PLEKHO2: variants seen among roughly 807,000 people sequenced by gnomAD.
The protein encoded by PLEKHO2 is pleckstrin homology domain-containing family O member 2.
Under a neutral mutation model 32.7 loss-of-function variants are expected in PLEKHO2, and 20 were observed. That is an observed-to-expected ratio of 0.61 (90% CI 0.43 to 0.89). The LOEUF (loss-of-function observed/expected upper bound fraction) is 0.89, where lower values mean the gene tolerates loss of function less well. Among genes scored for constraint, PLEKHO2 ranks in the 40% least tolerant of loss-of-function variants. PLEKHO2 has a pLI of 0.00. For missense variants in PLEKHO2, 568 were observed against 621.2 expected, an observed-to-expected ratio of 0.91 and a Z score of 0.91; for synonymous variants, 247 against 246.3, an observed-to-expected ratio of 1.00 and a Z score of -0.03.
chr15:64,848,758 G>T lies in PLEKHO2; in HGVS notation c.162+16G>T. On this transcript the variant is annotated intron_variant, in intron 2 of 5. Transcript: ENST00000323544. ...TGAGAATGAGGTGAGGACCTGCTTGGCCCTGAGATTGGGGGTTCTGGGACA... is the reference window on the plus strand; with the variant it reads ...TGAGAATGAGGTGAGGACCTGCTTGTCCCTGAGATTGGGGGTTCTGGGACA... 6.2e-7 allele frequency: 1 copy of T among 1,613,676 alleles called. No homozygotes were observed.
In PLEKHO2 at chr15:64,841,973, G is replaced by C. The variant is rs1057028338; in HGVS notation, c.-44G>C. ...GACGCGGTGGCAGAGCCCGCGCGGC[G>C]CTGGAAGCGAGTGGCGGAGCGGCGG... On this transcript the variant is annotated 5_prime_UTR_variant, in exon 1 of 6. Transcript: ENST00000323544. 3.2e-6 allele frequency: 4 copies of C among 1,246,576 alleles called. No homozygotes were observed. The highest frequency in any genetic ancestry group is 4.0e-6 in the Non-Finnish European group (4 of 995,790). The allele number at this position is 1,246,576 out of a possible 1,614,324, so 77.2% of individuals were successfully genotyped here. A position where few individuals can be genotyped will look rare whatever the true frequency, so the allele number is the denominator to read the frequency against.
At chr15:64,854,778 G>A in intron 2 of PLEKHO2, 143 bp from the exon 3 acceptor site, 1 of 643,898 alleles carries the variant, frequency 1.6e-6, no homozygotes, top group Non-Finnish European at 2.8e-6. Context: ...ACCACATCTT[G>A]GTGACTGATT....
Position 64,861,501 on chromosome 15 carries a change from C to A in PLEKHO2, c.409C>A (p.Leu137Met). 6.2e-7 allele frequency: 1 copy of A among 1,607,070 alleles called. No individual in the cohort carries two copies. Among genetic ancestry groups the A allele is most frequent in the Non-Finnish European group, 8.5e-7 (1 of 1,177,500 alleles). ...DEVKVDKSCA[L>M]EHVTRDRVRG... The stretch of plus-strand genomic sequence containing the variant: ...GGTAAAGGTGGACAAGAGCTGCGCC[C>A]TGGAGCATGTGACACGGGACCGGGT... The change falls in exon 5 of 6, where the codon CTG becomes ATG. Residue 137 changes from leucine (L) to methionine (M), a missense_variant. Physicochemically the swap from Leu to Met is conservative, Grantham distance 15. Transcript: ENST00000323544.
At position 64,853,669 on chromosome 15, in the gene PLEKHO2, C is replaced by T. The variant is rs375841928; in HGVS notation, c.163-1252C>T. Reference sequence around the variant, plus strand: ...TAGGTCCCAACCTTGGAGGACCCCTCGTGCAGAGCAACCTACTGCCTGTGA... The same window carrying T: ...TAGGTCCCAACCTTGGAGGACCCCTTGTGCAGAGCAACCTACTGCCTGTGA... On this transcript the variant is annotated intron_variant, in intron 2 of 5. Coordinates refer to ENST00000323544, the MANE Select transcript of PLEKHO2 (RefSeq NM_025201.5). 8.5e-5 allele frequency among the ~76,000 whole-genome samples: 13 copies of T among 152,222 alleles called. No individual in the cohort carries two copies. The South Asian group carries it at 2.1e-3, about 24-fold the overall frequency.
chr15:64,848,196 A>G lies in PLEKHO2; in HGVS notation c.13-397A>G, dbSNP rs114893960. On this transcript the variant is annotated intron_variant, in intron 1 of 5. Coordinates refer to ENST00000323544, the MANE Select transcript of PLEKHO2 (RefSeq NM_025201.5). ...CATGGAAGCAGAATGGTGGAGTGGG[A>G]AAAACGTGGGGTCAGAGAGACCTGC... Among the ~76,000 whole-genome samples the G allele has an allele frequency of 5.7e-3, 869 of 152,328 alleles. 14 individuals are homozygous for G. Among genetic ancestry groups the G allele is most frequent in the African/African-American group, 0.02 (844 of 41,582 alleles).
intron 1 of PLEKHO2, among the ~76,000 whole-genome samples, chr15:64,847,451 C>T (rs914515932): frequency 9.2e-5 from 14 of 152,186 alleles, no homozygotes; most frequent in East Asian, 5.8e-4. Flanking sequence ...TTCACACTCA[C>T]GACTCTGGGT....
chr15:64,864,883 C>T lies in PLEKHO2; in HGVS notation c.484-16C>T. 6.5e-7 allele frequency: 1 copy of T among 1,550,378 alleles called. No individual in the cohort carries two copies. The highest frequency in any genetic ancestry group is 8.7e-7 in the Non-Finnish European group (1 of 1,155,390). ...AGTCAGCCAAGATGACACCCATATA[C>T]CATCCCCCCCACCAGGTGGCCAGTG... On this transcript the variant is annotated splice_polypyrimidine_tract_variant and intron_variant, in intron 5 of 5. Coordinates refer to ENST00000323544, the MANE Select transcript of PLEKHO2 (RefSeq NM_025201.5).
At position 64,865,525 on chromosome 15, in the gene PLEKHO2, A is replaced by G. The variant is rs948879969; in HGVS notation, c.1110A>G (p.Thr370=). The G allele has an allele frequency of 8.1e-6, 13 of 1,613,966 alleles. No homozygotes were observed. The highest frequency in any genetic ancestry group is 5.0e-5 in the Admixed American group (3 of 60,000). The part of the protein sequence containing the change: ...GTPGTPPKDA[T]TSTALPPWDL... ...CAGGAACTCCTCCAAAGGATGCAAC[A>G]ACATCCACAGCACTGCCCCCCTGGG... is the stretch of plus-strand genomic sequence containing the variant. The change falls in exon 6 of 6, where the codon ACA becomes ACG. Residue 370 remains threonine, a synonymous_variant. Coordinates refer to ENST00000323544, the MANE Select transcript of PLEKHO2 (RefSeq NM_025201.5).
rs180865798 is a variant in PLEKHO2 at position 64,859,083 on chromosome 15, T to C, written c.280-811T>C. On this transcript the variant is annotated intron_variant, in intron 3 of 5. Coordinates refer to ENST00000323544, the MANE Select transcript of PLEKHO2 (RefSeq NM_025201.5). ...ACAATGTTTTCAAGGTTCATCCCTG[T>C]TGTAGCATGTGTCAGATTTTTCTTC... Among the ~76,000 whole-genome samples, 285 of 152,360 alleles carry C rather than the reference T, an allele frequency of 1.9e-3. 2 individuals are homozygous for C. The highest frequency in any genetic ancestry group is 6.8e-3 in the Middle Eastern group (2 of 294).
At chr15:64,857,009 C>T (rs796869287) in intron 3 of PLEKHO2, among the ~76,000 whole-genome samples, 1 of 152,344 alleles carries the variant, frequency 6.6e-6, no homozygotes, top group African/African-American at 2.4e-5. Context: ...CCCTGCTTCT[C>T]CAGCCCCACA....
chr15:64,853,070 C>T (rs1413029027), intron 2 of PLEKHO2, among the ~76,000 whole-genome samples: 1 of 150,192 alleles, frequency 6.7e-6, no homozygotes, highest in Non-Finnish European at 1.5e-5. Flanking sequence ...ACCCAGGAGG[C>T]AGAGGTTGCA....
rs1268299859 is a variant in PLEKHO2 at position 64,865,170 on chromosome 15, C to T, written c.755C>T (p.Ala252Val). 6.2e-7 allele frequency: 1 copy of T among 1,614,168 alleles called. No individual in the cohort carries two copies. The highest frequency in any genetic ancestry group is 1.7e-5 in the Admixed American group (1 of 60,026). The stretch of plus-strand genomic sequence containing the variant: ...AGCCAAGAGGACTCAGAGACCCCAG[C>T]AGAGGAGGACAGTGGCTCTGAGCAG... The part of the protein sequence containing the change: ...PESQEDSETP[A>V]EEDSGSEQPP... Residue 252 changes from alanine to valine, a missense_variant, in exon 6 of 6, where the codon GCA becomes GTA. Coordinates refer to ENST00000323544, the MANE Select transcript of PLEKHO2 (RefSeq NM_025201.5).
chr15:64,861,555 A>G lies in PLEKHO2; in HGVS notation c.463A>G (p.Thr155Ala). Residue 155 changes from threonine to alanine, a missense_variant, in exon 5 of 6, where the codon ACG becomes GCG. Physicochemically the swap from Thr to Ala is moderately conservative, Grantham distance 58. Coordinates refer to ENST00000323544, the MANE Select transcript of PLEKHO2 (RefSeq NM_025201.5). ...VRGGQRRRPP[T>A]RVHLKEVASA... ...AGGGGGCCAGCGACGCCGGCCACCAACGAGAGTCCACCTGAAGGAGGTAGG... is the reference window on the plus strand; with the variant it reads ...AGGGGGCCAGCGACGCCGGCCACCAGCGAGAGTCCACCTGAAGGAGGTAGG... 1.9e-6 allele frequency: 3 copies of G among 1,605,534 alleles called. No individual in the cohort carries two copies. Among genetic ancestry groups the G allele is most frequent in the Non-Finnish European group, 2.5e-6 (3 of 1,176,872 alleles).
In PLEKHO2 at chr15:64,848,717, C is replaced by T. The variant is rs780660326; in HGVS notation, c.137C>T (p.Ala46Val). Reference protein sequence around the residue: ...WKDRYLLLCQAQLLVYENEDD... With the variant: ...WKDRYLLLCQVQLLVYENEDD... ...GACCGATATCTGCTCCTCTGCCAGG[C>T]CCAGCTGCTGGTCTATGAGAATGAG... The change falls in exon 2 of 6, where the codon GCC becomes GTC. Residue 46 changes from alanine (A) to valine (V), a missense_variant. Transcript: ENST00000323544. 10 of 1,614,098 alleles carry T rather than the reference C, an allele frequency of 6.2e-6. No homozygotes were observed. Among genetic ancestry groups the T allele is most frequent in the Non-Finnish European group, 7.6e-6 (9 of 1,180,020 alleles).
At chr15:64,863,635 A>G (rs1416074778) in intron 5 of PLEKHO2, among the ~76,000 whole-genome samples, 1 of 151,870 alleles carries the variant, frequency 6.6e-6, no homozygotes, top group Non-Finnish European at 1.5e-5. Flanking sequence ...GAGTGAGAGC[A>G]ACAAAGGGAG....
At chr15:64,851,373 C>T (rs1460995161) in intron 2 of PLEKHO2, among the ~76,000 whole-genome samples, 2 of 152,186 alleles carry the variant, frequency 1.3e-5, no homozygotes, top group Non-Finnish European at 2.9e-5. Flanking sequence ...AACTGCCTCT[C>T]TGCATCTGGC....
chr15:64,854,918 C>A lies in PLEKHO2; in HGVS notation c.163-3C>A. On this transcript the variant is annotated splice_polypyrimidine_tract_variant and splice_region_variant and intron_variant, in intron 2 of 5. Transcript: ENST00000323544. ...CTCATGTCCCTTCTGTCTCCCTCCCCAGGATGATCAGAAGTGTGTGGAGAC... is the reference window on the plus strand; with the variant it reads ...CTCATGTCCCTTCTGTCTCCCTCCCAAGGATGATCAGAAGTGTGTGGAGAC... 1 of 1,611,266 alleles carries A rather than the reference C, an allele frequency of 6.2e-7. No individual in the cohort carries two copies. Among genetic ancestry groups the A allele is most frequent in the Non-Finnish European group, 8.5e-7 (1 of 1,177,970 alleles).
At chr15:64,842,463 G>C (rs1274007204) in intron 1 of PLEKHO2, among the ~76,000 whole-genome samples, 1 of 151,262 alleles carries the variant, frequency 6.6e-6, no homozygotes, top group Non-Finnish European at 1.5e-5. Flanking sequence ...TGTGTGTTGG[G>C]GGGTTCCTGT....
intron 4 of PLEKHO2, among the ~76,000 whole-genome samples, chr15:64,860,881 T>A (rs1485864938): frequency 1.3e-5 from 2 of 151,788 alleles, no homozygotes; most frequent in East Asian, 3.9e-4. Flanking sequence ...ACAGCTGGAG[T>A]CACATGTGGG....
Sources: gnomAD v4.1 joint callset for allele counts (sites outside exome capture counted in the v4.1 genomes callset) on GRCh38, gnomAD v4.1.1 for gene constraint, MANE v1.5 for transcripts, NCBI Gene and HGNC (gene_info 2026-07-23, HGNC 2026-07-21) for gene names.